The following CNIH3 variants were observed in gnomAD, a reference collection of about 807,000 sequenced individuals.
CNIH3 encodes cornichon family AMPA receptor auxiliary protein 3, also known as protein cornichon homolog 3.
A neutral mutation model predicts 24.1 loss-of-function variants in CNIH3; 14 were observed. The ratio of observed to expected loss-of-function variants is 0.58; its 90% CI spans 0.38 to 0.91. The LOEUF is 0.91. Ranked by LOEUF, CNIH3 falls within the 40% of genes least tolerant of loss-of-function variation. The probability of loss-of-function intolerance (pLI) is 0.00; values close to 1 mark genes in which losing one functional copy is unlikely to be tolerated. For missense variants in CNIH3, 178 were observed against 196.8 expected (o/e 0.90, Z 0.57); for synonymous variants, 68 against 73.8 (o/e 0.92, Z 0.40).
chr1:224,696,521 T>G (rs1451248526), intron 3 of CNIH3, among the ~76,000 whole-genome samples: 1 of 152,096 alleles, frequency 6.6e-6, no homozygotes, highest in Non-Finnish European at 1.5e-5. Flanking sequence ...TGATGTGCAC[T>G]CTGGAAAACT....
intron 4 of CNIH3, among the ~76,000 whole-genome samples, chr1:224,733,278 ATGTGGTGAC>A (rs1689428745): frequency 6.6e-6 from 1 of 152,228 alleles, no homozygotes; most frequent in African/African-American, 2.4e-5. Flanking sequence ...AGGAAAGTCA[ATGTGGTGAC>A]TGGTGACTGG....
At position 224,505,262 on chromosome 1, in the gene CNIH3, G is replaced by T. The variant is rs200673550; in HGVS notation, n.204-10479G>T. Among the ~76,000 whole-genome samples, 3 of 150,364 alleles carry T rather than the reference G, an allele frequency of 2.0e-5. No individual in the cohort carries two copies. The East Asian group carries it at 5.9e-4, about 30-fold the overall frequency. ...TTCAGTGAGCTGTGTTCATGCCACTGCACTGTAGCCGGGGTGACAAAGCAA... is the reference window on the plus strand; with the variant it reads ...TTCAGTGAGCTGTGTTCATGCCACTTCACTGTAGCCGGGGTGACAAAGCAA... On this transcript the variant is annotated intron_variant and non_coding_transcript_variant, in intron 1 of 5. Coordinates refer to the CNIH3 transcript ENST00000471578.
rs112747612 is a variant in CNIH3 at position 224,624,346 on chromosome 1, T to A, written c.81+7091T>A. On this transcript the variant is annotated intron_variant, in intron 1 of 5. Coordinates refer to ENST00000272133, the MANE Select transcript of CNIH3 (RefSeq NM_152495.2). ...CCCTGTGGGTTCTTCTTTCTGTACC[T>A]TCCTCTCCATGTTGGTAGTTTCCTG... 6.2e-3 allele frequency among the ~76,000 whole-genome samples: 941 copies of A among 152,242 alleles called. 14 individuals are homozygous for A. Among genetic ancestry groups the A allele is most frequent in the African/African-American group, 0.021 (877 of 41,542 alleles).
chr1:224,651,448 T>A (rs1684852435), intron 1 of CNIH3, among the ~76,000 whole-genome samples: 1 of 152,224 alleles, frequency 6.6e-6, no homozygotes, highest in Admixed American at 6.5e-5. Context: ...GCAGTTTTTG[T>A]TGCTGTCATT....
At chr1:224,725,062 T>C (rs376640220) in intron 3 of CNIH3, among the ~76,000 whole-genome samples, 72 of 151,562 alleles carry the variant, frequency 4.8e-4, no homozygotes, top group African/African-American at 1.7e-3. Flanking sequence ...ATACAAAAAT[T>C]AGCCGGGCAT....
chr1:224,679,562 T>C (rs1686303101), intron 1 of CNIH3, among the ~76,000 whole-genome samples: 1 of 152,166 alleles, frequency 6.6e-6, no homozygotes, highest in African/African-American at 2.4e-5. Flanking sequence ...CTTCAGTAAG[T>C]GGTGAGTTTC....
chr1:224,467,882 CTCT>C (rs917349154), intron 1 of CNIH3, among the ~76,000 whole-genome samples: 11 of 150,160 alleles, frequency 7.3e-5, no homozygotes, highest in Non-Finnish European at 1.5e-4. Flanking sequence ...AGGTATGAGG[CTCT>C]TCTTTTTTTT....
intron 2 of CNIH3, among the ~76,000 whole-genome samples, chr1:224,530,796 C>T (rs1679034415): frequency 6.6e-6 from 1 of 152,076 alleles, no homozygotes; most frequent in South Asian, 2.1e-4. Flanking sequence ...GATGGGGTTT[C>T]ACCATGTTGG....
At chr1:224,485,768 C>T (rs1677004537) in intron 1 of CNIH3, among the ~76,000 whole-genome samples, 1 of 152,206 alleles carries the variant, frequency 6.6e-6, no homozygotes. Context: ...GCCCAGCCCT[C>T]TTCTTTCTTT....
chr1:224,441,588 A>G (rs1674917681), intron 1 of CNIH3, among the ~76,000 whole-genome samples: 1 of 152,370 alleles, frequency 6.6e-6, no homozygotes, highest in South Asian at 2.1e-4. Context: ...ACAATAATCA[A>G]TGGTAAAACA....
At chr1:224,722,571 C>T (rs1471806625) in intron 3 of CNIH3, among the ~76,000 whole-genome samples, 1 of 152,098 alleles carries the variant, frequency 6.6e-6, no homozygotes, top group South Asian at 2.1e-4. Flanking sequence ...GGAGCAGGGA[C>T]CACACTTTGA....
At chr1:224,651,064 G>GACACAC (rs71772293) in intron 1 of CNIH3, among the ~76,000 whole-genome samples, 2 of 151,096 alleles carry the variant, frequency 1.3e-5, no homozygotes, top group Non-Finnish European at 3.0e-5. Context: ...GAGGGACATG[G>GACACAC]ACACACACAC....
At chr1:224,654,510 C>T (rs1056548763) in intron 1 of CNIH3, among the ~76,000 whole-genome samples, 1 of 152,120 alleles carries the variant, frequency 6.6e-6, no homozygotes, top group Non-Finnish European at 1.5e-5. Context: ...CTTTTTCTTC[C>T]TTTCTTTGGT....
rs56331612 is a variant in CNIH3 at position 224,506,287 on chromosome 1, G to GCACACACA, written n.204-9444_204-9437dup. ...CACGCACACGCGCGCGCGCGCGCGC[G>GCACACACA]CACACACACACACACACGGTCACTC... On this transcript the variant is annotated intron_variant and non_coding_transcript_variant, in intron 1 of 5. Coordinates refer to the CNIH3 transcript ENST00000471578. Among the ~76,000 whole-genome samples, 908 of 147,418 alleles carry GCACACACA rather than the reference G, an allele frequency of 6.2e-3. 8 individuals carry two copies. The highest frequency in any genetic ancestry group is 0.019 in the African/African-American group (763 of 39,772).
intron 1 of CNIH3, among the ~76,000 whole-genome samples, chr1:224,666,611 G>A (rs1685610001): frequency 6.6e-6 from 1 of 152,150 alleles, no homozygotes. Context: ...TCAATCGCCA[G>A]TTTGTGGGTT....
intron 1 of CNIH3, among the ~76,000 whole-genome samples, chr1:224,497,909 G>A (rs1247657369): frequency 6.6e-6 from 1 of 152,196 alleles, no homozygotes; most frequent in East Asian, 1.9e-4. Context: ...CCATCTGCAT[G>A]TCTCAAGTGA....
intron 3 of CNIH3, among the ~76,000 whole-genome samples, chr1:224,711,794 CAAAAAAAAAAA>C (rs11437581): frequency 4.6e-5 from 3 of 65,670 alleles, no homozygotes; most frequent in African/African-American, 1.9e-4. Context: ...GACCCTGTCT[CAAAAAAAAAAA>C]AAAAAAAAAA....
intron 3 of CNIH3, among the ~76,000 whole-genome samples, chr1:224,595,380 C>A (rs1321357364): frequency 6.6e-6 from 1 of 152,176 alleles, no homozygotes; most frequent in Non-Finnish European, 1.5e-5. Context: ...CTGTCATAAT[C>A]GTTTTGGGGC....
intron 1 of CNIH3, among the ~76,000 whole-genome samples, chr1:224,631,029 C>G (rs571914437): frequency 6.6e-6 from 1 of 152,078 alleles, no homozygotes; most frequent in South Asian, 2.1e-4. Flanking sequence ...CGTGGTGGTG[C>G]GTGCCTGTCA....
Sources: allele counts gnomAD v4.1 joint callset (sites outside exome capture counted in the v4.1 genomes callset), GRCh38; gene constraint gnomAD v4.1.1; transcripts MANE v1.5; gene names NCBI Gene and HGNC (gene_info 2026-07-23, HGNC 2026-07-21).